Variants in FGF13 observed in about 807,000 individuals in gnomAD.
FGF13 encodes fibroblast growth factor homologous factor 2.
Under a neutral mutation model 19.5 loss-of-function variants are expected in FGF13, and 2 were observed. That is an observed-to-expected ratio of 0.10 (90% CI 0.04 to 0.32). FGF13 has a LOEUF of 0.32. Among genes scored for constraint, FGF13 ranks in the 10% least tolerant of loss-of-function variants. The pLI, the probability that FGF13 is intolerant of heterozygous loss-of-function variation, is 1.00. For missense variants in FGF13, 113 were observed against 192.7 expected (o/e 0.59, Z 2.45); for synonymous variants, 72 against 76.9 (o/e 0.94, Z 0.33).
At chrX:139,160,723 T>C (rs921875555) in intron 1 of FGF13, among the ~76,000 whole-genome samples, 9 of 111,918 alleles carry the variant, frequency 8.0e-5, no homozygotes, top group African/African-American at 2.9e-4. Context: ...AACACCTCTA[T>C]GCAAATAAAC....
chrX:139,083,731 C>T (rs1419924351), intron 1 of FGF13, among the ~76,000 whole-genome samples: 1 of 110,917 alleles, frequency 9.0e-6, no homozygotes. Context: ...ATTAGCTGGG[C>T]GTGGTGGCAT....
At chrX:138,759,448 GA>G (rs764958987) in intron 3 of FGF13, among the ~76,000 whole-genome samples, 2 of 112,530 alleles carry the variant, frequency 1.8e-5, no homozygotes, top group South Asian at 7.3e-4. Flanking sequence ...CTGTTTCTCT[GA>G]ACAAGCAAAC....
intron 1 of FGF13, among the ~76,000 whole-genome samples, chrX:138,725,488 A>G (rs1281329048): frequency 9.0e-6 from 1 of 111,541 alleles, no homozygotes; most frequent in Non-Finnish European, 1.9e-5. Flanking sequence ...CGAGAAGTCA[A>G]AATGGGTCAA....
intron 1 of FGF13, among the ~76,000 whole-genome samples, chrX:138,724,327 T>C (rs566697024): frequency 2.7e-5 from 3 of 111,774 alleles, no homozygotes; most frequent in Admixed American, 9.5e-5. Context: ...CAATCAGATG[T>C]TGTGGAAGGG....
At chrX:139,121,265 C>T (rs764658071) in intron 1 of FGF13, among the ~76,000 whole-genome samples, 2 of 111,969 alleles carry the variant, frequency 1.8e-5, no homozygotes, top group African/African-American at 3.2e-5. Flanking sequence ...TATCTCCACA[C>T]CATTTGTAAA....
At chrX:138,803,202 A>G (rs1030963083) in intron 3 of FGF13, among the ~76,000 whole-genome samples, 1 of 111,896 alleles carries the variant, frequency 8.9e-6, no homozygotes, top group Non-Finnish European at 1.9e-5. Context: ...TAGTCTACCA[A>G]TTCAAATCAC....
At chrX:138,871,191 T>C (rs2091355562) in intron 1 of FGF13, among the ~76,000 whole-genome samples, 1 of 112,507 alleles carries the variant, frequency 8.9e-6, no homozygotes, top group South Asian at 3.7e-4. Context: ...GTATGCAGAA[T>C]TGACACAGCT....
intron 1 of FGF13, among the ~76,000 whole-genome samples, chrX:138,959,400 T>C (rs949858425): frequency 1.8e-5 from 2 of 111,982 alleles, no homozygotes; most frequent in African/African-American, 6.5e-5. Context: ...TTGTTATTAT[T>C]TGTGTTCTTT....
intron 1 of FGF13, among the ~76,000 whole-genome samples, chrX:138,963,974 C>T (rs750264708): frequency 8.9e-6 from 1 of 111,786 alleles, no homozygotes; most frequent in East Asian, 2.8e-4. Context: ...CTACACTCAG[C>T]CAGGCAGTGG....
chrX:138,904,879 A>C (rs2091549486), intron 1 of FGF13, among the ~76,000 whole-genome samples: 1 of 112,011 alleles, frequency 8.9e-6, no homozygotes, highest in African/African-American at 3.2e-5. Flanking sequence ...TTGGTAAAAA[A>C]TAGATTTTTC....
At chrX:138,994,301 G>C (rs1292752068) in intron 1 of FGF13, among the ~76,000 whole-genome samples, 1 of 110,478 alleles carries the variant, frequency 9.1e-6, no homozygotes, top group Non-Finnish European at 1.9e-5. Context: ...CTTCTTATGA[G>C]GGCACTAATC....
At chrX:138,848,262 T>C (rs1447861039) in intron 3 of FGF13, among the ~76,000 whole-genome samples, 2 of 111,456 alleles carry the variant, frequency 1.8e-5, no homozygotes, top group Non-Finnish European at 3.8e-5. Context: ...CTAAAGGTCA[T>C]ATAAGGGCTG....
intron 3 of FGF13, among the ~76,000 whole-genome samples, chrX:138,812,406 T>C (rs186393291): frequency 8.9e-6 from 1 of 111,840 alleles, no homozygotes; most frequent in Admixed American, 9.6e-5. Context: ...TTCTCTTGGA[T>C]ATGAGGCACT....
chrX:138,670,535 A>C (rs2089600233), intron 3 of FGF13, among the ~76,000 whole-genome samples: 1 of 112,041 alleles, frequency 8.9e-6, no homozygotes, highest in African/African-American at 3.2e-5. Flanking sequence ...ATTGACATAG[A>C]AATACATGCA....
At chrX:139,134,836 T>A (rs749904672) in intron 1 of FGF13, among the ~76,000 whole-genome samples, 1 of 111,438 alleles carries the variant, frequency 9.0e-6, no homozygotes, top group Admixed American at 9.5e-5. Flanking sequence ...GTTGTAGAGA[T>A]GGGGCTTTGC....
intron 1 of FGF13, among the ~76,000 whole-genome samples, chrX:138,952,086 C>T (rs780356840): frequency 4.1e-4 from 46 of 111,017 alleles, no homozygotes; most frequent in African/African-American, 1.3e-3. Flanking sequence ...ACTTTAAAGT[C>T]CATATGGAAC....
At chrX:138,915,566 T>G (rs1195392008) in intron 1 of FGF13, among the ~76,000 whole-genome samples, 1 of 111,756 alleles carries the variant, frequency 8.9e-6, no homozygotes, top group Non-Finnish European at 1.9e-5. Flanking sequence ...GGGGTGTTAT[T>G]TATTGATCCA....
At chrX:139,142,028 G>A (rs956311259) in intron 1 of FGF13, among the ~76,000 whole-genome samples, 4 of 111,412 alleles carry the variant, frequency 3.6e-5, no homozygotes, top group South Asian at 3.8e-4. Context: ...AGACATTGCC[G>A]GGCTCAAACA....
intron 3 of FGF13, among the ~76,000 whole-genome samples, chrX:138,766,168 A>T (rs2090501026): frequency 8.9e-6 from 1 of 112,388 alleles, no homozygotes; most frequent in African/African-American, 3.2e-5. Flanking sequence ...TAAATTGAGC[A>T]TTATTTGTTA....
Sources: allele counts gnomAD v4.1 joint callset (sites outside exome capture counted in the v4.1 genomes callset), GRCh38; gene constraint gnomAD v4.1.1; transcripts MANE v1.5; gene names NCBI Gene and HGNC (gene_info 2026-07-23, HGNC 2026-07-21).